The following ZKSCAN2 variants were observed in gnomAD, a reference collection of about 807,000 sequenced individuals.
ZKSCAN2 encodes zinc finger protein with KRAB and SCAN domains 2.
In ZKSCAN2, 38 loss-of-function variants were observed where a neutral mutation model predicts 90.5. That is an observed-to-expected ratio of 0.42 (90% CI 0.32 to 0.55). The LOEUF is 0.55. Among genes scored for constraint, ZKSCAN2 ranks in the 20% least tolerant of loss-of-function variants. ZKSCAN2 has a pLI of 0.11. For synonymous variants in ZKSCAN2, 429 were observed against 421.6 expected (o/e 1.02, Z -0.22); for missense variants, 1,167 against 1,202.6 (o/e 0.97, Z 0.44).
At chr16:25,252,805 C>T (rs961569679) in intron 3 of ZKSCAN2, 141 bp downstream of exon 3, 10 of 683,344 alleles carry the variant, frequency 1.5e-5, no homozygotes, top group Non-Finnish European at 1.3e-5. Flanking sequence ...GTCCCAGCTA[C>T]TCAGGAGGCT....
At chr16:25,249,193 T>C (rs1447726186) in intron 4 of ZKSCAN2, among the ~76,000 whole-genome samples, 1 of 152,162 alleles carries the variant, frequency 6.6e-6, no homozygotes, top group Non-Finnish European at 1.5e-5. Context: ...TTCAGTTAGA[T>C]GGGAGGAATA....
At position 25,251,133 on chromosome 16, in the gene ZKSCAN2, C is replaced by A. The variant is rs535406735; in HGVS notation, c.805+776G>T. Reference sequence around the variant, plus strand: ...AGTCGAAAAAAATTTGGTAGAAGAACCTAATTTCCAAACAAAACTTACAGG... The same window carrying A: ...AGTCGAAAAAAATTTGGTAGAAGAAACTAATTTCCAAACAAAACTTACAGG... On this transcript the variant is annotated intron_variant, in intron 4 of 6. Transcript: ENST00000328086. Among the ~76,000 whole-genome samples the A allele has an allele frequency of 2.6e-4, 40 of 151,986 alleles. No individual in the cohort carries two copies. In the South Asian group the frequency reaches 5.4e-3, roughly 21 times the overall value.
Position 25,239,762 on chromosome 16 carries a change from G to C in ZKSCAN2, c.*54C>G. The C allele has an allele frequency of 7.0e-7, 1 of 1,438,424 alleles. No homozygotes were observed. Among genetic ancestry groups the C allele is most frequent in the East Asian group, 2.3e-5 (1 of 43,728 alleles). 89.1% of individuals were successfully genotyped at this position (1,438,424 alleles called of 1,614,324 possible). On this transcript the variant is annotated 3_prime_UTR_variant, in exon 7 of 7. Coordinates refer to ENST00000328086, the MANE Select transcript of ZKSCAN2 (RefSeq NM_001012981.5). The stretch of plus-strand genomic sequence containing the variant: ...ATAGCTAAGAAAAGATTGCTTCCAA[G>C]AATGAGATTAGGGTAAAATGGCTAA...
chr16:25,253,974 C>T (rs889891399), intron 2 of ZKSCAN2, among the ~76,000 whole-genome samples: 39 of 152,158 alleles, frequency 2.6e-4, no homozygotes, highest in Non-Finnish European at 4.4e-4. Context: ...TGCCACTGCA[C>T]GCTAACCTGG....
Position 25,240,091 on chromosome 16 carries a change from G to A in ZKSCAN2, c.2629C>T (p.His877Tyr). 1 of 1,613,828 alleles carries A rather than the reference G, an allele frequency of 6.2e-7. No homozygotes were observed. Among genetic ancestry groups the A allele is most frequent in the Non-Finnish European group, 8.5e-7 (1 of 1,180,016 alleles). ...SFTNSSHFSA[H>Y]RRVHTGENPY... Reference sequence around the variant, plus strand: ...TTCTCCCCAGTGTGAACTCTCCGGTGGGCGCTGAAATGAGAACTGTTGGTG... The same window carrying A: ...TTCTCCCCAGTGTGAACTCTCCGGTAGGCGCTGAAATGAGAACTGTTGGTG... The change falls in exon 7 of 7, where the codon CAC becomes TAC. Residue 877 changes from histidine (H) to tyrosine (Y), a missense_variant. Transcript: ENST00000328086.
chr16:25,251,371 G>T (rs1393019205), intron 4 of ZKSCAN2, among the ~76,000 whole-genome samples: 1 of 151,782 alleles, frequency 6.6e-6, no homozygotes, highest in Non-Finnish European at 1.5e-5. Flanking sequence ...GAAAATTATT[G>T]GTACAGATAT....
At chr16:25,255,061 T>C (rs1415963565) in intron 2 of ZKSCAN2, 145 bp downstream of exon 2, 3 of 769,102 alleles carry the variant, frequency 3.9e-6, no homozygotes, top group Non-Finnish European at 5.8e-6. Flanking sequence ...ATTGCACATG[T>C]TCCTAATTCT....
In ZKSCAN2 at chr16:25,255,380, C is replaced by G. The variant is rs370532156; in HGVS notation, c.412G>C (p.Val138Leu). The G allele has an allele frequency of 6.2e-7, 1 of 1,611,082 alleles. No individual in the cohort carries two copies. Among genetic ancestry groups the G allele is most frequent in the Non-Finnish European group, 8.5e-7 (1 of 1,179,726 alleles). Residue 138 changes from valine to leucine, a missense_variant, in exon 2 of 7, where the codon GTG (valine) becomes CTG (leucine). Physicochemically the swap from Val to Leu is conservative, Grantham distance 32. Transcript: ENST00000328086. ...AGTGGGGAGTGCTTCTCCCGGTGCA[C>G]GGGACTGCTGACCTGAGAAATGAAG... ...GRLRQQVSSP[V>L]HREKHSPLGA... is the part of the protein sequence containing the mutation.
Position 25,247,022 on chromosome 16 carries a change from G to C in ZKSCAN2, c.1174C>G (p.Gln392Glu), listed in dbSNP as rs1308493062. ...RECGFLRTPE[Q>E]CRTKFKSLQK... ...AGACTTTTGAACTTGGTTCGACACT[G>C]TTCTGGGGTTCTAAGGAAGCCACAT... The change falls in exon 5 of 7, where the codon CAG (glutamine) becomes GAG (glutamate). Residue 392 changes from glutamine to glutamate, a missense_variant. Transcript: ENST00000328086. The C allele has an allele frequency of 6.2e-7, 1 of 1,614,070 alleles. No individual in the cohort carries two copies. Among genetic ancestry groups the C allele is most frequent in the Non-Finnish European group, 8.5e-7 (1 of 1,180,046 alleles).
chr16:25,252,936 T>C lies in ZKSCAN2; in HGVS notation c.678+10A>G. The C allele has an allele frequency of 6.2e-7, 1 of 1,608,704 alleles. No individual in the cohort carries two copies. The highest frequency in any genetic ancestry group is 1.7e-5 in the Admixed American group (1 of 59,940). On this transcript the variant is annotated intron_variant, in intron 3 of 6. Transcript: ENST00000328086. ...CCATCTCAAAGAAAAAAAAGACAATTACAATGTACCTGGGACCCAGCAGGA... is the reference window on the plus strand; with the variant it reads ...CCATCTCAAAGAAAAAAAAGACAATCACAATGTACCTGGGACCCAGCAGGA...
At chr16:25,246,319 G>T in intron 5 of ZKSCAN2, 1 of 170,290 alleles carries the variant, frequency 5.9e-6, no homozygotes. Context: ...ACAAAATTTT[G>T]TACTGGTTAT....
Position 25,246,864 on chromosome 16 carries a change from G to A in ZKSCAN2, c.1332C>T (p.Val444=), listed in dbSNP as rs768918284. 5.6e-6 allele frequency: 9 copies of A among 1,614,062 alleles called. No homozygotes were observed. The Admixed American group carries it at 1.2e-4, about 21-fold the overall frequency. ...STDKPKEMIP[V]PRLKRIAISA... ...TGATGGCAATTCTCTTCAGTCTGGG[G>A]ACAGGTATCATCTCCTTTGGTTTAT... Residue 444 remains valine (V), a synonymous_variant, in exon 5 of 7, where the codon GTC becomes GTT. Coordinates refer to ENST00000328086, the MANE Select transcript of ZKSCAN2 (RefSeq NM_001012981.5).
Position 25,255,367 on chromosome 16 carries a change from T to C in ZKSCAN2, c.425A>G (p.Lys142Arg). The C allele has an allele frequency of 1.1e-5, 17 of 1,612,706 alleles. No individual in the cohort carries two copies. The highest frequency in any genetic ancestry group is 1.4e-5 in the Non-Finnish European group (17 of 1,179,914). The change falls in exon 2 of 7, where the codon AAG becomes AGG. Residue 142 changes from lysine (K) to arginine (R), a missense_variant. By Grantham distance (26) the Lys-to-Arg change is conservative. Coordinates refer to ENST00000328086, the MANE Select transcript of ZKSCAN2 (RefSeq NM_001012981.5). ...QQVSSPVHRE[K>R]HSPLGAAWEV... is the part of the protein sequence containing the mutation. Reference sequence around the variant, plus strand: ...CCACGCTGCTCCAAGTGGGGAGTGCTTCTCCCGGTGCACGGGACTGCTGAC... The same window carrying C: ...CCACGCTGCTCCAAGTGGGGAGTGCCTCTCCCGGTGCACGGGACTGCTGAC...
At chr16:25,250,545 A>T (rs1190131955) in intron 4 of ZKSCAN2, among the ~76,000 whole-genome samples, 2 of 152,200 alleles carry the variant, frequency 1.3e-5, no homozygotes, top group Non-Finnish European at 2.9e-5. Context: ...TGTATACAGC[A>T]TGATGGTTAC....
At chr16:25,246,008 G>A (rs1962928323) in intron 5 of ZKSCAN2, among the ~76,000 whole-genome samples, 2 of 152,048 alleles carry the variant, frequency 1.3e-5, no homozygotes, top group Non-Finnish European at 1.5e-5. Context: ...ATTAATTGGC[G>A]ATTTAATTCT....
rs143690617 is a variant in ZKSCAN2 at position 25,240,648 on chromosome 16, T to G, written c.2072A>C (p.Lys691Thr). Residue 691 changes from lysine to threonine, a missense_variant, in exon 7 of 7, where the codon AAA becomes ACA. Lys to Thr is a moderately conservative substitution (Grantham distance 78). Transcript: ENST00000328086. ...EQHRALIEKSKRVVSQSTDPS... is the reference protein window; with the variant it reads ...EQHRALIEKSTRVVSQSTDPS... The stretch of plus-strand genomic sequence containing the variant: ...GTCGGTACTCTGGGAAACAACTCTT[T>G]TAGACTTTTCTATTAATGCCCTATG... 3.6e-4 allele frequency: 575 copies of G among 1,614,094 alleles called. No individual in the cohort carries two copies. The highest frequency in any genetic ancestry group is 4.6e-4 in the Non-Finnish European group (543 of 1,180,032).
intron 2 of ZKSCAN2, 101 bp from the exon 3 acceptor site, chr16:25,253,138 A>C (rs2141370134): frequency 2.2e-6 from 2 of 893,750 alleles, no homozygotes. Context: ...ACACCAACAA[A>C]TATAAATTCA....
intron 1 of ZKSCAN2, among the ~76,000 whole-genome samples, chr16:25,256,509 GATA>G (rs1394538605): frequency 2.6e-5 from 4 of 152,070 alleles, no homozygotes; most frequent in African/African-American, 4.8e-5. Context: ...TCCATTGTAA[GATA>G]ATATTTCAAT....
rs1352567846 is a variant in ZKSCAN2, at chr16:25,247,407, A to G, written c.806-17T>C. 1 of 1,584,378 alleles carries G rather than the reference A, an allele frequency of 6.3e-7. No individual in the cohort carries two copies. Among genetic ancestry groups the G allele is most frequent in the Admixed American group, 1.7e-5 (1 of 58,346 alleles). ...CTGCACTTCCTACAGTAAAATAAAC[A>G]TATTTCATGGTAGACATAGAAGTCA... On this transcript the variant is annotated splice_polypyrimidine_tract_variant and intron_variant, in intron 4 of 6. Transcript: ENST00000328086.
Sources: allele counts gnomAD v4.1 joint callset (sites outside exome capture counted in the v4.1 genomes callset), GRCh38; gene constraint gnomAD v4.1.1; transcripts MANE v1.5; gene names NCBI Gene and HGNC (gene_info 2026-07-23, HGNC 2026-07-21).